The following NEDD9 variants were observed in gnomAD, a reference collection of about 807,000 sequenced individuals.
NEDD9 encodes the protein enhancer of filamentation 1.
NEDD9 carries 26 observed loss-of-function variants against 76.6 expected under a neutral mutation model. The observed-to-expected ratio is 0.34, with a 90% confidence interval of 0.25 to 0.47. NEDD9 has a LOEUF of 0.47. NEDD9 is among the 20% of genes least tolerant of loss of function. The pLI is 1.00. For missense variants in NEDD9, 937 were observed against 1,058.5 expected, an observed-to-expected ratio of 0.89 and a Z score of 1.59; for synonymous variants, 392 against 414.2, an observed-to-expected ratio of 0.95 and a Z score of 0.65.
At chr6:11,188,108 C>T in intron 6 of NEDD9, 110 bp downstream of exon 6, 1 of 871,720 alleles carries the variant, frequency 1.1e-6, no homozygotes. Context: ...CTGATTCCTG[C>T]CAGTGAGCTG....
chr6:11,369,521 A>G (rs995929142), intron 1 of NEDD9, among the ~76,000 whole-genome samples: 15 of 152,226 alleles, frequency 9.9e-5, no homozygotes, highest in Non-Finnish European at 2.2e-4. Context: ...GCACGTGTAC[A>G]CACACAGAGT....
intron 1 of NEDD9, 94 bp downstream of exon 1, chr6:11,232,410 A>G: frequency 6.7e-7 from 1 of 1,485,738 alleles, no homozygotes; most frequent in Non-Finnish European, 9.4e-7. Context: ...CGGGACACAC[A>G]AGGGACTGAC....
At chr6:11,189,451 A>G (rs1278113270) in intron 5 of NEDD9, among the ~76,000 whole-genome samples, 2 of 152,220 alleles carry the variant, frequency 1.3e-5, no homozygotes, top group African/African-American at 4.8e-5. Context: ...GCAATTATAC[A>G]CACACATACA....
Position 11,184,493 on chromosome 6 carries a change from A to G in NEDD9, c.*669T>C, listed in dbSNP as rs1561775587. ...TCCTAACTGTGGTCCTGGCCTCTAA[A>G]CACACAGGTCTCTCTTCCCTCCAGC... On this transcript the variant is annotated 3_prime_UTR_variant, in exon 7 of 7. Coordinates refer to ENST00000379446, the MANE Select transcript of NEDD9 (RefSeq NM_006403.4). The G allele has an allele frequency of 6.6e-6, 1 of 152,232 alleles. No individual in the cohort carries two copies. Among genetic ancestry groups the G allele is most frequent in the Non-Finnish European group, 1.5e-5 (1 of 68,098 alleles). The allele number at this position is 152,232 out of a possible 1,614,324, so 9.4% of individuals were successfully genotyped here. A position where few individuals can be genotyped will look rare whatever the true frequency, so the allele number is the denominator to read the frequency against.
chr6:11,194,470 G>A (rs914305907), intron 2 of NEDD9, among the ~76,000 whole-genome samples: 4 of 152,114 alleles, frequency 2.6e-5, no homozygotes, highest in Non-Finnish European at 4.4e-5. Context: ...CCTCTTCATT[G>A]GACATTATTA....
intron 1 of NEDD9, among the ~76,000 whole-genome samples, chr6:11,225,072 G>A (rs373438351): frequency 6.6e-6 from 1 of 152,108 alleles, no homozygotes; most frequent in Non-Finnish European, 1.5e-5. Flanking sequence ...TTTCTACTGG[G>A]TTTCACAGAT....
intron 1 of NEDD9, among the ~76,000 whole-genome samples, chr6:11,214,697 T>C (rs981552106): frequency 1.4e-4 from 21 of 152,322 alleles, no homozygotes; most frequent in Non-Finnish European, 2.2e-4. Context: ...ATTAGTAAAG[T>C]TTCCCAGCAC....
intron 3 of NEDD9, among the ~76,000 whole-genome samples, chr6:11,274,149 TG>T (rs1039555849): frequency 6.6e-6 from 1 of 152,244 alleles, no homozygotes; most frequent in African/African-American, 2.4e-5. Flanking sequence ...AGGAGCTTTT[TG>T]GAACATACCC....
At chr6:11,306,109 T>A (rs1582012840) in exon 3 of NEDD9, 1 of 1,360,964 alleles carries the variant, frequency 7.3e-7, no homozygotes, top group East Asian at 2.3e-5. Flanking sequence ...GAAGAACATA[T>A]GATGTTTGCC....
chr6:11,232,379 G>C, intron 1 of NEDD9, 125 bp downstream of exon 1: 1 of 1,213,038 alleles, frequency 8.2e-7, no homozygotes, highest in Non-Finnish European at 1.2e-6. Context: ...CTCAGTGACC[G>C]AGACTCATCT....
chr6:11,324,549 G>A (rs946196398), intron 2 of NEDD9, among the ~76,000 whole-genome samples: 2 of 152,190 alleles, frequency 1.3e-5, no homozygotes, highest in African/African-American at 4.8e-5. Context: ...TGCGGCCACC[G>A]TATTAAAATT....
At chr6:11,266,629 T>A (rs1760207154) in intron 3 of NEDD9, among the ~76,000 whole-genome samples, 1 of 152,224 alleles carries the variant, frequency 6.6e-6, no homozygotes, top group South Asian at 2.1e-4. Flanking sequence ...ACTTTTCTGC[T>A]TTTTATTGGT....
intron 1 of NEDD9, among the ~76,000 whole-genome samples, chr6:11,372,745 T>C (rs2113571837): frequency 6.6e-6 from 1 of 152,330 alleles, no homozygotes; most frequent in Non-Finnish European, 1.5e-5. Context: ...TCTCTGAGGA[T>C]CAGTGATGTT....
rs116668683 is a variant in NEDD9 at position 11,210,942 on chromosome 6, G to A, written c.459+2339C>T. 8.6e-3 allele frequency among the ~76,000 whole-genome samples: 1,303 copies of A among 152,226 alleles called. 9 individuals carry two copies. Among genetic ancestry groups the A allele is most frequent in the Non-Finnish European group, 0.015 (1,016 of 68,010 alleles). On this transcript the variant is annotated intron_variant, in intron 2 of 6. Transcript: ENST00000379446. ...TGGAGAAGCCCTTGGTATTTGGCAG[G>A]GAAGGTGCCAGGGCCACCCTCTTGC...
chr6:11,210,977 C>G (rs1291883296), intron 2 of NEDD9, among the ~76,000 whole-genome samples: 2 of 152,192 alleles, frequency 1.3e-5, no homozygotes, highest in Non-Finnish European at 2.9e-5. Flanking sequence ...CCCTCCCCAT[C>G]CTGGCCATGT....
At chr6:11,261,655 G>A (rs1760118384) in intron 3 of NEDD9, among the ~76,000 whole-genome samples, 1 of 152,174 alleles carries the variant, frequency 6.6e-6, no homozygotes, top group Admixed American at 6.5e-5. Flanking sequence ...TCTAATTCTA[G>A]TGAGTATGAC....
intron 1 of NEDD9, among the ~76,000 whole-genome samples, chr6:11,218,324 C>A (rs1759034611): frequency 1.3e-5 from 2 of 151,170 alleles, no homozygotes; most frequent in Admixed American, 6.7e-5. Context: ...CACTGCCACC[C>A]TTCATTCAGG....
At chr6:11,217,130 G>A (rs755699558) in intron 1 of NEDD9, among the ~76,000 whole-genome samples, 2 of 152,190 alleles carry the variant, frequency 1.3e-5, no homozygotes, top group Non-Finnish European at 2.9e-5. Context: ...TTGGACTTTC[G>A]AAAAGATTTG....
At position 11,188,210 on chromosome 6, in the gene NEDD9, G is replaced by T; in HGVS notation, c.1995+8C>A. ...ATGCCAAGCAGTTTTTGCTCTGATT[G>T]AACTTACCTGATGATGTTCCAGCTG... is the stretch of plus-strand genomic sequence containing the variant. On this transcript the variant is annotated splice_region_variant and intron_variant, in intron 6 of 6. Coordinates refer to ENST00000379446, the MANE Select transcript of NEDD9 (RefSeq NM_006403.4). 6.2e-7 allele frequency: 1 copy of T among 1,612,624 alleles called. No homozygotes were observed. Among genetic ancestry groups the T allele is most frequent in the South Asian group, 1.1e-5 (1 of 91,034 alleles).
Sources: allele counts gnomAD v4.1 joint callset (sites outside exome capture counted in the v4.1 genomes callset), GRCh38; gene constraint gnomAD v4.1.1; transcripts MANE v1.5; gene names NCBI Gene and HGNC (gene_info 2026-07-23, HGNC 2026-07-21).